The following RAE1 variants were observed in gnomAD, a reference collection of about 807,000 sequenced individuals.
The protein encoded by RAE1 is mRNA export factor RAE1.
Under a neutral mutation model 52.7 loss-of-function variants are expected in RAE1, and 13 were observed. The observed-to-expected ratio is 0.25, with a 90% CI of 0.16 to 0.39. RAE1 has a LOEUF of 0.39. Ranked by LOEUF, RAE1 falls within the 10% of genes least tolerant of loss-of-function variation. The pLI is 1.00. For synonymous variants in RAE1, 164 were observed against 153.1 expected (o/e 1.07, Z -0.52); for missense variants, 262 against 459.8 (o/e 0.57, Z 3.93).
intron 7 of RAE1, 57 bp from the exon 8 acceptor site, chr20:57,368,646 GTA>G: frequency 8.3e-7 from 1 of 1,203,364 alleles, no homozygotes; most frequent in Non-Finnish European, 1.2e-6. Flanking sequence ...AAATACATTA[GTA>G]TAAAAACAGC....
At chr20:57,366,927 A>G in intron 6 of RAE1, 34 bp downstream of exon 6, 1 of 1,588,986 alleles carries the variant, frequency 6.3e-7, no homozygotes, top group Non-Finnish European at 8.6e-7. Flanking sequence ...GTTTGGCCCC[A>G]TCAGGATTGT....
Position 57,368,680 on chromosome 20 carries a change from ATC to A in RAE1, c.535-21_535-20del, listed in dbSNP as rs762362048. The stretch of plus-strand genomic sequence containing the variant: ...CAGCACACTCCTTCACCTGAAGCGC[ATC>A]TCTGTTTTCTTCCATTCCCTAGATA... On this transcript the variant is annotated intron_variant, in intron 7 of 11. Transcript: ENST00000395841. 8.1e-5 allele frequency: 124 copies of A among 1,530,208 alleles called. No individual in the cohort carries two copies. The African/African-American group carries it at 1.1e-3, about 14-fold the overall frequency. 94.8% of individuals were successfully genotyped at this position (1,530,208 alleles called of 1,614,324 possible). A position where few individuals can be genotyped will look rare whatever the true frequency, so the allele number is the denominator to read the frequency against.
At chr20:57,368,607 A>G in intron 7 of RAE1, 98 bp from the exon 8 acceptor site, 1 of 704,948 alleles carries the variant, frequency 1.4e-6, no homozygotes, top group South Asian at 2.0e-5. Context: ...ATTAAAATCC[A>G]GACTTAATGT....
Position 57,373,486 on chromosome 20 carries a change from G to T in RAE1, c.654G>T (p.Val218=). 6.2e-7 allele frequency: 1 copy of T among 1,613,448 alleles called. No individual in the cohort carries two copies. The change falls in exon 9 of 12, where the codon GTG becomes GTT. Residue 218 remains valine, a synonymous_variant. Coordinates refer to ENST00000395841, the MANE Select transcript of RAE1 (RefSeq NM_003610.4). ...TATTTTAACTGTAGCATCGGTGTGTGGCTATTTTTAAAGACAAACAGAACA... is the reference window on the plus strand; with the variant it reads ...TATTTTAACTGTAGCATCGGTGTGTTGCTATTTTTAAAGACAAACAGAACA... ...ESPLKHQHRC[V]AIFKDKQNKP...
chr20:57,359,493 T>C (rs1286673471), intron 4 of RAE1: 1 of 152,440 alleles, frequency 6.6e-6, no homozygotes, highest in Non-Finnish European at 1.5e-5. Context: ...AGTGGCTGCT[T>C]TTGGGCCAAC....
rs2066705880 is a variant in RAE1, at chr20:57,351,363, G to T, written c.-67G>T. 1.0e-6 allele frequency: 1 copy of T among 985,466 alleles called. No homozygotes were observed. The highest frequency in any genetic ancestry group is 1.2e-6 in the Non-Finnish European group (1 of 829,972). The allele number at this position is 985,466 out of a possible 1,614,324, so 61.0% of individuals were successfully genotyped here. A position where few individuals can be genotyped will look rare whatever the true frequency, so the allele number is the denominator to read the frequency against. The stretch of plus-strand genomic sequence containing the variant: ...TCGTCCTTCGCGCCAGAGCAGGTTC[G>T]CAAACTCCTCAGACCCTTCTGCTCC... On this transcript the variant is annotated 5_prime_UTR_variant, in exon 1 of 12. Transcript: ENST00000395841.
intron 11 of RAE1, chr20:57,375,023 C>T (rs1344984136): frequency 1.4e-6 from 1 of 709,990 alleles, no homozygotes; most frequent in East Asian, 2.7e-5. Flanking sequence ...AGTGCTCGGC[C>T]AGTGTGAGCC....
intron 4 of RAE1, among the ~76,000 whole-genome samples, chr20:57,360,904 C>G (rs1361473175): frequency 6.6e-6 from 1 of 152,078 alleles, no homozygotes; most frequent in Non-Finnish European, 1.5e-5. Flanking sequence ...TCCGGGTGAT[C>G]TAGAGGACAT....
intron 8 of RAE1, among the ~76,000 whole-genome samples, chr20:57,369,935 G>T (rs1245533261): frequency 6.6e-6 from 1 of 152,172 alleles, no homozygotes; most frequent in African/African-American, 2.4e-5. Flanking sequence ...GCTAAGGCCA[G>T]TTTTGTGGTG....
chr20:57,358,573 T>A (rs2066834909), intron 4 of RAE1: 1 of 156,300 alleles, frequency 6.4e-6, no homozygotes, highest in African/African-American at 2.4e-5. Flanking sequence ...GAATGTTAAG[T>A]AGGTAGAAAC....
Position 57,374,593 on chromosome 20 carries a change from G to A in RAE1, c.826-14G>A, listed in dbSNP as rs767119611. 6.2e-7 allele frequency: 1 copy of A among 1,604,914 alleles called. No homozygotes were observed. Among genetic ancestry groups the A allele is most frequent in the Non-Finnish European group, 8.5e-7 (1 of 1,174,920 alleles). On this transcript the variant is annotated splice_polypyrimidine_tract_variant and intron_variant, in intron 10 of 11. Coordinates refer to ENST00000395841, the MANE Select transcript of RAE1 (RefSeq NM_003610.4). Reference sequence around the variant, plus strand: ...CTCTGCCTGGCTTCTCATTGTGCATGTCAATCCTTGCAGGTAAATGGAATC... The same window carrying A: ...CTCTGCCTGGCTTCTCATTGTGCATATCAATCCTTGCAGGTAAATGGAATC...
chr20:57,376,239 G>A (rs1394554559), intron 11 of RAE1, among the ~76,000 whole-genome samples: 1 of 152,172 alleles, frequency 6.6e-6, no homozygotes, highest in Non-Finnish European at 1.5e-5. Context: ...ATGAAGCTGT[G>A]TTCTTTTTTT....
intron 4 of RAE1, among the ~76,000 whole-genome samples, chr20:57,360,530 C>G (rs1337377856): frequency 6.6e-6 from 1 of 152,098 alleles, no homozygotes; most frequent in Non-Finnish European, 1.5e-5. Flanking sequence ...AGTACTCTGG[C>G]GAATGGTTTT....
rs1265140208 is a variant in RAE1 at position 57,354,812 on chromosome 20, A to G, written c.191A>G (p.Asn64Ser). ...GNFLIAGSWA[N>S]DVRCWEVQDS... ...TTTCTTATTGCAGGATCATGGGCTA[A>G]TGATGTAAGTGCTCCTTAAATACGT... The change falls in exon 3 of 12, where the codon AAT becomes AGT. Residue 64 changes from asparagine (N) to serine (S), a missense_variant. By Grantham distance (46) the Asn-to-Ser change is conservative. Coordinates refer to ENST00000395841, the MANE Select transcript of RAE1 (RefSeq NM_003610.4). 7 of 1,594,578 alleles carry G rather than the reference A, an allele frequency of 4.4e-6. No individual in the cohort carries two copies. Among genetic ancestry groups the G allele is most frequent in the Non-Finnish European group, 6.0e-6 (7 of 1,170,634 alleles).
chr20:57,356,076 A>G (rs1329164939), intron 3 of RAE1, among the ~76,000 whole-genome samples: 1 of 152,186 alleles, frequency 6.6e-6, no homozygotes, highest in African/African-American at 2.4e-5. Flanking sequence ...TCTAAAATGT[A>G]TTACTTTTTT....
intron 11 of RAE1, 105 bp from the exon 12 acceptor site, chr20:57,377,906 TTA>T (rs908762962): frequency 1.3e-4 from 96 of 728,946 alleles, no homozygotes; most frequent in Non-Finnish European, 1.9e-4. Flanking sequence ...CTCTGAGAGA[TTA>T]TATGTTTCCA....
chr20:57,359,112 T>C lies in RAE1; in HGVS notation c.288+2574T>C, dbSNP rs977410234. ...CGGTCAGGATACCACAGCTGTTGAATATATGTCACTGGGCAGATAGTGCCT... is the reference window on the plus strand; with the variant it reads ...CGGTCAGGATACCACAGCTGTTGAACATATGTCACTGGGCAGATAGTGCCT... On this transcript the variant is annotated intron_variant, in intron 4 of 11. Coordinates refer to ENST00000395841, the MANE Select transcript of RAE1 (RefSeq NM_003610.4). 12 of 1,094,012 alleles carry C rather than the reference T, an allele frequency of 1.1e-5. No individual in the cohort carries two copies. In the Admixed American group the frequency reaches 3.4e-4, roughly 31 times the overall value. The allele number at this position is 1,094,012 out of a possible 1,614,324, so 67.8% of individuals were successfully genotyped here. A position where few individuals can be genotyped will look rare whatever the true frequency, so the allele number is the denominator to read the frequency against.
At chr20:57,374,403 A>G (rs1044485052) in intron 10 of RAE1, among the ~76,000 whole-genome samples, 16 of 152,198 alleles carry the variant, frequency 1.1e-4, no homozygotes, top group African/African-American at 3.9e-4. Flanking sequence ...TCTGGTGTGC[A>G]GCCCTCACAG....
chr20:57,351,336 C>A lies in RAE1; in HGVS notation c.-94C>A. On this transcript the variant is annotated 5_prime_UTR_variant, in exon 1 of 12. Coordinates refer to ENST00000395841, the MANE Select transcript of RAE1 (RefSeq NM_003610.4). ...TGGGATTTCTGTCCGCGCTCCTGGC[C>A]CTCGTCCTTCGCGCCAGAGCAGGTT... 1 of 985,406 alleles carries A rather than the reference C, an allele frequency of 1.0e-6. No homozygotes were observed. Among genetic ancestry groups the A allele is most frequent in the Non-Finnish European group, 1.2e-6 (1 of 829,938 alleles). The allele number at this position is 985,406 out of a possible 1,614,324, so 61.0% of individuals were successfully genotyped here.
Sources: allele counts gnomAD v4.1 joint callset (sites outside exome capture counted in the v4.1 genomes callset), GRCh38; gene constraint gnomAD v4.1.1; transcripts MANE v1.5; gene names NCBI Gene and HGNC (gene_info 2026-07-23, HGNC 2026-07-21).